GAL3ST2: variants seen among roughly 807,000 people sequenced by gnomAD.
GAL3ST2 encodes galactose-3-O-sulfotransferase 2.
A neutral mutation model predicts 12.9 loss-of-function variants in GAL3ST2; 16 were observed. The observed-to-expected ratio is 1.24, with a 90% CI of 0.84 to 1.88. The LOEUF (loss-of-function observed/expected upper bound fraction) is 1.88, where lower values mean the gene tolerates loss of function less well. GAL3ST2 is among the 40% of genes most tolerant of loss of function. The probability of loss-of-function intolerance (pLI) is 0.00; values close to 1 mark genes in which losing one functional copy is unlikely to be tolerated. For missense variants in GAL3ST2, 639 were observed against 571.8 expected (o/e 1.12, Z -1.20); for synonymous variants, 302 against 273.9 (o/e 1.10, Z -1.01).
In GAL3ST2 at chr2:241,795,733, G is replaced by A. The variant is rs538820399; in HGVS notation, c.30-3332G>A. 5.3e-5 allele frequency among the ~76,000 whole-genome samples: 8 copies of A among 152,372 alleles called. No individual in the cohort carries two copies. Among genetic ancestry groups the A allele is most frequent in the African/African-American group, 1.7e-4 (7 of 41,594 alleles). Reference sequence around the variant, plus strand: ...AGTGTGGGGCCTCGTTTGGGTTTGGGAAAACATGTCCTCTCTCACGAAGAC... The same window carrying A: ...AGTGTGGGGCCTCGTTTGGGTTTGGAAAAACATGTCCTCTCTCACGAAGAC... On this transcript the variant is annotated intron_variant, in intron 1 of 3. Coordinates refer to ENST00000192314, the MANE Select transcript of GAL3ST2 (RefSeq NM_022134.3). This position sits in a 1 kb window ranked among gnomAD's most constrained non-coding sequence, Gnocchi z 4.5.
chr2:241,802,166 G>A lies in GAL3ST2; in HGVS notation c.375+130G>A. Reference sequence around the variant, plus strand: ...GGGCGGGGCGTGCAGAAGGCGGGTTGGGAGGGCCTGGGCCGCACGCCCTGC... The same window carrying A: ...GGGCGGGGCGTGCAGAAGGCGGGTTAGGAGGGCCTGGGCCGCACGCCCTGC... On this transcript the variant is annotated intron_variant, in intron 3 of 3. Coordinates refer to ENST00000192314, the MANE Select transcript of GAL3ST2 (RefSeq NM_022134.3). This position sits in a 1 kb window ranked among gnomAD's most constrained non-coding sequence, Gnocchi z 4.8. The A allele has an allele frequency of 8.6e-7, 1 of 1,163,434 alleles. No individual in the cohort carries two copies. Among genetic ancestry groups the A allele is most frequent in the East Asian group, 2.6e-5 (1 of 38,742 alleles). 72.1% of individuals were successfully genotyped at this position (1,163,434 alleles called of 1,614,324 possible). A position where few individuals can be genotyped will look rare whatever the true frequency, so the allele number is the denominator to read the frequency against.
chr2:241,803,133 G>A (rs1312332594), intron 3 of GAL3ST2, among the ~76,000 whole-genome samples: 2 of 152,204 alleles, frequency 1.3e-5, no homozygotes, highest in African/African-American at 2.4e-5. Flanking sequence ...CTGGGCACCC[G>A]GGAACCAGTG....
intron 1 of GAL3ST2, among the ~76,000 whole-genome samples, chr2:241,782,260 C>A (rs529685083): frequency 6.6e-6 from 1 of 152,218 alleles, no homozygotes; most frequent in Non-Finnish European, 1.5e-5. Context: ...CACAAGCCTA[C>A]CTCTTCTGTG....
At chr2:241,777,058 T>G (rs1575359424) in intron 1 of GAL3ST2, 74 bp downstream of exon 1, 14 of 1,276,624 alleles carry the variant, frequency 1.1e-5, no homozygotes, top group South Asian at 2.1e-5. Context: ...CGGACAGGAG[T>G]GGGTTTTGTT....
Position 241,803,429 on chromosome 2 carries a change from T to A in GAL3ST2, c.460T>A (p.Tyr154Asn). ...VFQLESSFIYYKTYAPAFRGA... is the reference protein window; with the variant it reads ...VFQLESSFIYNKTYAPAFRGA... ...CCAGCTGGAGTCCTCCTTCATCTAC[T>A]ACAAAACCTACGCCCCCGCCTTCCG... The change falls in exon 4 of 4, where the codon TAC (tyrosine) becomes AAC (asparagine). Residue 154 changes from tyrosine to asparagine, a missense_variant. Physicochemically the swap from Tyr to Asn is moderately radical, Grantham distance 143. Coordinates refer to ENST00000192314, the MANE Select transcript of GAL3ST2 (RefSeq NM_022134.3). 6.2e-7 allele frequency: 1 copy of A among 1,612,514 alleles called. No individual in the cohort carries two copies.
At chr2:241,783,672 ATTATT>A (rs1276981560) in intron 1 of GAL3ST2, among the ~76,000 whole-genome samples, 1 of 152,064 alleles carries the variant, frequency 6.6e-6, no homozygotes, top group East Asian at 1.9e-4. Flanking sequence ...CATTTACCTA[ATTATT>A]TTATTTTAAT....
intron 1 of GAL3ST2, among the ~76,000 whole-genome samples, chr2:241,780,012 T>C (rs1478740836): frequency 6.6e-6 from 1 of 150,778 alleles, no homozygotes; most frequent in Non-Finnish European, 1.5e-5. Context: ...GGCTTATGTA[T>C]GTAAATAGAT....
intron 1 of GAL3ST2, among the ~76,000 whole-genome samples, chr2:241,787,189 C>T (rs78899218): frequency 0.016 from 2,414 of 152,242 alleles, 80 homozygotes; most frequent in African/African-American, 0.056. Flanking sequence ...TGTCTCATGT[C>T]GCCCTACAAT....
At chr2:241,789,261 C>A (rs531328285) in intron 1 of GAL3ST2, among the ~76,000 whole-genome samples, 1 of 152,078 alleles carries the variant, frequency 6.6e-6, no homozygotes, top group Non-Finnish European at 1.5e-5. Flanking sequence ...GGCTAAAGTA[C>A]TGAAGTAAAA....
chr2:241,804,024 A>C lies in GAL3ST2; in HGVS notation c.1055A>C (p.Tyr352Ser). The C allele has an allele frequency of 6.4e-7, 1 of 1,566,236 alleles. No individual in the cohort carries two copies. The highest frequency in any genetic ancestry group is 8.6e-7 in the Non-Finnish European group (1 of 1,158,236). Reference sequence around the variant, plus strand: ...TCCGGCAAGGCCGACATCCTGGGTTACAACCTCCGGCCGGGCCTGGACAAC... The same window carrying C: ...TCCGGCAAGGCCGACATCCTGGGTTCCAACCTCCGGCCGGGCCTGGACAAC... ...YQSGKADILG[Y>S]NLRPGLDNQT... is the part of the protein sequence containing the mutation. Residue 352 changes from tyrosine (Y) to serine (S), a missense_variant, in exon 4 of 4, where the codon TAC (tyrosine) becomes TCC (serine). Physicochemically the swap from Tyr to Ser is moderately radical, Grantham distance 144. Coordinates refer to ENST00000192314, the MANE Select transcript of GAL3ST2 (RefSeq NM_022134.3).
rs1370266908 is a variant in GAL3ST2, at chr2:241,803,848, G to C, written c.879G>C (p.Gln293His). 2 of 1,461,400 alleles carry C rather than the reference G, an allele frequency of 1.4e-6. No individual in the cohort carries two copies. The highest frequency in any genetic ancestry group is 1.8e-6 in the Non-Finnish European group (2 of 1,115,858). The allele number at this position is 1,461,400 out of a possible 1,614,324, so 90.5% of individuals were successfully genotyped here. Residue 293 changes from glutamine (Q) to histidine (H), a missense_variant, in exon 4 of 4, where the codon CAG (glutamine) becomes CAC (histidine). Gln to His is a conservative substitution (Grantham distance 24). Coordinates refer to ENST00000192314, the MANE Select transcript of GAL3ST2 (RefSeq NM_022134.3). ...YEHFNRTLWA[Q>H]LRAELGPRRL... ...ATTTCAACCGCACCCTCTGGGCGCA[G>C]CTGCGCGCCGAGCTGGGGCCGCGGC... is the stretch of plus-strand genomic sequence containing the variant.
chr2:241,788,975 A>T (rs1241635980), intron 1 of GAL3ST2, among the ~76,000 whole-genome samples: 1 of 152,228 alleles, frequency 6.6e-6, no homozygotes, highest in East Asian at 1.9e-4. Context: ...TGAGGAGAAA[A>T]CACAGAGAAT....
At position 241,803,539 on chromosome 2, in the gene GAL3ST2, GAAC is replaced by G. The variant is rs747297632; in HGVS notation, c.575_577del (p.Asn192del). The G allele has an allele frequency of 2.5e-6, 4 of 1,609,684 alleles. No homozygotes were observed. The highest frequency in any genetic ancestry group is 1.1e-5 in the South Asian group (1 of 90,382). ...GCCACCTCAGGAACGTCTACGCCAA[GAAC>G]AACATGTGGTTCGACTTCGGCTTCG... On this transcript the variant is annotated inframe_deletion, in exon 4 of 4. Transcript: ENST00000192314.
At chr2:241,777,105 T>C (rs1016068208) in intron 1 of GAL3ST2, 121 bp downstream of exon 1, 4 of 917,052 alleles carry the variant, frequency 4.4e-6, no homozygotes, top group Non-Finnish European at 6.0e-6. Context: ...TTGGAGGCTG[T>C]TCCTACTCAG....
intron 1 of GAL3ST2, among the ~76,000 whole-genome samples, chr2:241,779,147 G>C (rs1699531812): frequency 7.2e-6 from 1 of 138,400 alleles, no homozygotes. Flanking sequence ...CCCAGGTTTT[G>C]TCTTATCTCT....
intron 1 of GAL3ST2, among the ~76,000 whole-genome samples, chr2:241,797,611 C>G (rs1308761069): frequency 6.8e-6 from 1 of 147,750 alleles, no homozygotes; most frequent in Non-Finnish European, 1.5e-5. Flanking sequence ...CTCCCCGCTG[C>G]TCCCATGGCA....
Position 241,802,841 on chromosome 2 carries a change from C to T in GAL3ST2, c.376-504C>T, listed in dbSNP as rs1284967300. Among the ~76,000 whole-genome samples, 2 of 152,142 alleles carry T rather than the reference C, an allele frequency of 1.3e-5. No individual in the cohort carries two copies. Among genetic ancestry groups the T allele is most frequent in the African/African-American group, 4.8e-5 (2 of 41,432 alleles). On this transcript the variant is annotated intron_variant, in intron 3 of 3. Transcript: ENST00000192314. The surrounding 1 kb of genome is among the most constrained non-coding windows in gnomAD (Gnocchi z 4.8). ...GGGCACAAGCGAGGGTGAGTCCAGA[C>T]CCACCCTGTGGGGAACCTGGGTCAC...
Position 241,776,976 on chromosome 2 carries a change from C to G in GAL3ST2, c.21C>G (p.Gly7=), listed in dbSNP as rs775267282. 4 of 1,550,050 alleles carry G rather than the reference C, an allele frequency of 2.6e-6. No homozygotes were observed. The highest frequency in any genetic ancestry group is 3.5e-6 in the Non-Finnish European group (4 of 1,143,396). MMSMLG[G]LQRYFRVILL... ...CCAAGATGATGTCCATGCTGGGCGG[C>G]TTGCAGAGGTAAGGGGGGCAGTTGG... Residue 7 remains glycine (G), a synonymous_variant, in exon 1 of 4, where the codon GGC becomes GGG. Transcript: ENST00000192314.
intron 1 of GAL3ST2, among the ~76,000 whole-genome samples, chr2:241,777,637 T>C (rs1222218054): frequency 6.6e-6 from 1 of 152,154 alleles, no homozygotes; most frequent in African/African-American, 2.4e-5. Flanking sequence ...CCCCGGGGCG[T>C]GTGCCGCCAT....
Sources: allele counts gnomAD v4.1 joint callset (sites outside exome capture counted in the v4.1 genomes callset), GRCh38; gene constraint gnomAD v4.1.1; non-coding constraint Gnocchi (gnomAD v3.1); transcripts MANE v1.5; gene names NCBI Gene and HGNC (gene_info 2026-07-23, HGNC 2026-07-21).